MUC3A: variants seen among roughly 807,000 people sequenced by gnomAD.
The protein encoded by MUC3A is mucin 3A, cell surface associated.
In MUC3A, 109 loss-of-function variants were observed where a neutral mutation model predicts 109.0. The ratio of observed to expected loss-of-function variants is 1.00; its 90% CI spans 0.86 to 1.17. The LOEUF is 1.17. Among genes scored for constraint, MUC3A ranks in the 50% most tolerant of loss-of-function variants. MUC3A has a pLI of 0.00. For synonymous variants in MUC3A, 1,398 were observed against 981.4 expected (o/e 1.42, Z -7.93); for missense variants, 3,537 against 2,469.4 (o/e 1.43, Z -9.16).
At position 100,953,482 on chromosome 7, in the gene MUC3A, C is replaced by T; in HGVS notation, c.1703C>T (p.Ser568Phe). 1 of 417,186 alleles carries T rather than the reference C, an allele frequency of 2.4e-6. No homozygotes were observed. Among genetic ancestry groups the T allele is most frequent in the South Asian group, 7.3e-5 (1 of 13,624 alleles). The allele number at this position is 417,186 out of a possible 1,614,324, so 25.8% of individuals were successfully genotyped here. The change falls in exon 2 of 12, where the codon TCC becomes TTC. Residue 568 changes from serine (S) to phenylalanine (F), a missense_variant. Transcript: ENST00000379458. ...AGTACACTCCACACAACAGCTGAAT[C>T]CACCCTGGCACCCACTACCACCACC... Reference protein sequence around the residue: ...STSTLHTTAESTLAPTTTTSF... With the variant: ...STSTLHTTAEFTLAPTTTTSF...
rs1792069825 is a variant in MUC3A at position 100,955,262 on chromosome 7, C to T, written c.3483C>T (p.Ser1161=). ...GCTTCACTTCTTCAACCATCTACTCCACAGTCAGCACATCCACAACTGCCA... is the reference window on the plus strand; with the variant it reads ...GCTTCACTTCTTCAACCATCTACTCTACAGTCAGCACATCCACAACTGCCA... The part of the protein sequence containing the change: ...TPSFTSSTIY[S]TVSTSTTAIS... Residue 1161 remains serine (S), a synonymous_variant, in exon 2 of 12, where the codon TCC becomes TCT. Coordinates refer to ENST00000379458, the MANE Select transcript of MUC3A (RefSeq NM_005960.2). 1 of 764,598 alleles carries T rather than the reference C, an allele frequency of 1.3e-6. No homozygotes were observed. The highest frequency in any genetic ancestry group is 2.4e-6 in the Non-Finnish European group (1 of 417,732). 47.4% of individuals were successfully genotyped at this position (764,598 alleles called of 1,614,324 possible).
rs774902528 is a variant in MUC3A, at chr7:100,960,009, A to G, written c.8230A>G (p.Thr2744Ala). 6.6e-7 allele frequency: 1 copy of G among 1,507,754 alleles called. No homozygotes were observed. Among genetic ancestry groups the G allele is most frequent in the Non-Finnish European group, 8.8e-7 (1 of 1,139,764 alleles). 93.4% of individuals were successfully genotyped at this position (1,507,754 alleles called of 1,614,324 possible). ...SSSATTSTSS[T>A]SSSLTTALTE... ...CTCTGCAACTACCAGCACTTCTTCAACCAGCTCCTCTCTGACCACAGCTCT... is the reference window on the plus strand; with the variant it reads ...CTCTGCAACTACCAGCACTTCTTCAGCCAGCTCCTCTCTGACCACAGCTCT... Residue 2744 changes from threonine (T) to alanine (A), a missense_variant, in exon 2 of 12, where the codon ACC becomes GCC. Thr to Ala is a moderately conservative substitution (Grantham distance 58, BLOSUM62 0). Transcript: ENST00000379458.
rs968687622 is a variant in MUC3A, at chr7:100,965,835, T to A, written c.9580T>A (p.Cys3194Ser). 3.1e-6 allele frequency: 5 copies of A among 1,597,040 alleles called. No homozygotes were observed. In the Admixed American group the frequency reaches 8.3e-5, roughly 27 times the overall value. ...CGCCATCGACTGTCACCAGGGCCAGTGCGTTCTGGAGACGAGCGGTCCCAC... is the reference window on the plus strand; with the variant it reads ...CGCCATCGACTGTCACCAGGGCCAGAGCGTTCTGGAGACGAGCGGTCCCAC... ...DNAIDCHQGQ[C>S]VLETSGPTCR... Residue 3194 changes from cysteine to serine, a missense_variant, in exon 8 of 12, where the codon TGC becomes AGC. Transcript: ENST00000379458.
chr7:100,956,102 T>G lies in MUC3A; in HGVS notation c.4323T>G (p.Pro1441=), dbSNP rs1792089357. The change falls in exon 2 of 12, where the codon CCT becomes CCG. Residue 1441 remains proline (P), a synonymous_variant. Transcript: ENST00000379458. Reference sequence around the variant, plus strand: ...CCAGTCATACCACAAACACCAATCCTGTATCCACGTTGGTGACTACACTCC... The same window carrying G: ...CCAGTCATACCACAAACACCAATCCGGTATCCACGTTGGTGACTACACTCC... ...VTTSHTTNTN[P]VSTLVTTLPI... is the part of the protein sequence containing the mutation. The G allele has an allele frequency of 2.3e-6, 1 of 427,040 alleles. No individual in the cohort carries two copies. Among genetic ancestry groups the G allele is most frequent in the Admixed American group, 4.3e-5 (1 of 23,404 alleles). The allele number at this position is 427,040 out of a possible 1,614,324, so 26.5% of individuals were successfully genotyped here. A position where few individuals can be genotyped will look rare whatever the true frequency, so the allele number is the denominator to read the frequency against.
Position 100,952,208 on chromosome 7 carries a change from CATCT to C in MUC3A, c.430_433del (p.Ile144ValfsTer2), listed in dbSNP as rs772440024. 2 of 1,598,436 alleles carry C rather than the reference CATCT, an allele frequency of 1.3e-6. No homozygotes were observed. The highest frequency in any genetic ancestry group is 1.7e-5 in the Admixed American group (1 of 60,008). On this transcript the variant is annotated frameshift_variant, in exon 2 of 12. Coordinates refer to ENST00000379458, the MANE Select transcript of MUC3A (RefSeq NM_005960.2). LOFTEE classifies it high-confidence loss of function. ...TAATCACCATCTCCCACCCCACCTC[CATCT>C]GTGTGACCACGACGCAGGTGGCCTT...
In MUC3A at chr7:100,960,181, C is replaced by T. The variant is rs747434015; in HGVS notation, c.8402C>T (p.Thr2801Ile). ...ACTGAAGCTACTTCTCCTCCCACCA[C>T]CCCATTAACAGTCTTTCCCTTTACT... ...PSTEATSPPTTPLTVFPFTTE... is the reference protein window; with the variant it reads ...PSTEATSPPTIPLTVFPFTTE... Residue 2801 changes from threonine to isoleucine, a missense_variant, in exon 2 of 12, where the codon ACC (threonine) becomes ATC (isoleucine). Thr to Ile is a moderately conservative substitution (Grantham distance 89, BLOSUM62 -1). Transcript: ENST00000379458. 1 of 1,583,896 alleles carries T rather than the reference C, an allele frequency of 6.3e-7. No individual in the cohort carries two copies. Among genetic ancestry groups the T allele is most frequent in the Non-Finnish European group, 8.5e-7 (1 of 1,170,888 alleles).
Position 100,953,314 on chromosome 7 carries a change from C to A in MUC3A, c.1535C>A (p.Pro512Gln), listed in dbSNP as rs976661493. 2.2e-5 allele frequency: 11 copies of A among 509,628 alleles called. No homozygotes were observed. In the Admixed American group the frequency reaches 2.9e-4, roughly 14 times the overall value. 31.6% of individuals were successfully genotyped at this position (509,628 alleles called of 1,614,324 possible). Reference protein sequence around the residue: ...MTSATTPNVRPTFVSTLSTPT... With the variant: ...MTSATTPNVRQTFVSTLSTPT... ...TCTGCCACTACTCCCAATGTGAGAC[C>A]AACTTTTGTAAGTACACTCAGCACT... is the stretch of plus-strand genomic sequence containing the variant. Residue 512 changes from proline (P) to glutamine (Q), a missense_variant, in exon 2 of 12, where the codon CCA becomes CAA. Transcript: ENST00000379458.
Position 100,959,307 on chromosome 7 carries a change from C to T in MUC3A, c.7528C>T (p.Pro2510Ser), listed in dbSNP as rs372238856. The part of the protein sequence containing the change: ...STSLTTTTDF[P>S]SIPTDISTLP... ...TTCATTGACTACAACCACAGACTTT[C>T]CCTCTATACCCACTGATATCAGTAC... Residue 2510 changes from proline to serine, a missense_variant, in exon 2 of 12, where the codon CCC (proline) becomes TCC (serine). By Grantham distance (74) the Pro-to-Ser change is moderately conservative. Transcript: ENST00000379458. 8.3e-4 allele frequency: 1,302 copies of T among 1,573,646 alleles called. No homozygotes were observed. The African/African-American group carries it at 0.014, about 17-fold the overall frequency.
chr7:100,964,931 C>T, intron 6 of MUC3A, 88 bp downstream of exon 6: 1 of 1,487,896 alleles, frequency 6.7e-7, no homozygotes, highest in South Asian at 1.3e-5. Context: ...GGCTCAGGTG[C>T]CAGCCCTGTG....
chr7:100,959,777 A>G lies in MUC3A; in HGVS notation c.7998A>G (p.Gly2666=), dbSNP rs765874442. Reference sequence around the variant, plus strand: ...TCACTACAGAATCTTTCACTAGGGGAAGTACGTCTACAAATGCAATCTTGA... The same window carrying G: ...TCACTACAGAATCTTTCACTAGGGGGAGTACGTCTACAAATGCAATCTTGA... ...SEFTTESFTR[G]STSTNAILTS... Residue 2666 remains glycine (G), a synonymous_variant, in exon 2 of 12, where the codon GGA becomes GGG. Coordinates refer to ENST00000379458, the MANE Select transcript of MUC3A (RefSeq NM_005960.2). 12 of 1,597,484 alleles carry G rather than the reference A, an allele frequency of 7.5e-6. No homozygotes were observed. Among genetic ancestry groups the G allele is most frequent in the East Asian group, 4.5e-5 (2 of 44,890 alleles).
chr7:100,959,532 A>C lies in MUC3A; in HGVS notation c.7753A>C (p.Thr2585Pro). Residue 2585 changes from threonine (T) to proline (P), a missense_variant, in exon 2 of 12, where the codon ACG becomes CCG. Physicochemically the swap from Thr to Pro is conservative, Grantham distance 38. Coordinates refer to ENST00000379458, the MANE Select transcript of MUC3A (RefSeq NM_005960.2). ...ETPTQTPPVLTSATGTQTSPA... is the reference protein window; with the variant it reads ...ETPTQTPPVLPSATGTQTSPA... ...CCCAACACAGACCCCTCCTGTACTG[A>C]CGTCAGCCACTGGGACCCAAACATC... The C allele has an allele frequency of 6.3e-7, 1 of 1,591,226 alleles. No homozygotes were observed. Among genetic ancestry groups the C allele is most frequent in the Non-Finnish European group, 8.5e-7 (1 of 1,176,566 alleles).
chr7:100,955,931 TC>T lies in MUC3A; in HGVS notation c.4158del (p.Ile1387SerfsTer11). On this transcript the variant is annotated frameshift_variant, in exon 2 of 12. Coordinates refer to ENST00000379458, the MANE Select transcript of MUC3A (RefSeq NM_005960.2). LOFTEE classifies it high-confidence loss of function. ...CTCTCACAACAGCCATGACTTCTAC[TC>T]CCCCCATCACTTCTTCAATCACTCC... ...ESLTTAMTST[P>X]PITSSITPTD... 1.9e-6 allele frequency: 1 copy of T among 538,508 alleles called. No individual in the cohort carries two copies. The highest frequency in any genetic ancestry group is 3.3e-6 in the Non-Finnish European group (1 of 303,432). 33.4% of individuals were successfully genotyped at this position (538,508 alleles called of 1,614,324 possible). A position where few individuals can be genotyped will look rare whatever the true frequency, so the allele number is the denominator to read the frequency against.
rs776128915 is a variant in MUC3A at position 100,966,473 on chromosome 7, C to T, written c.9699C>T (p.Ala3233=). 96 of 1,327,672 alleles carry T rather than the reference C, an allele frequency of 7.2e-5. No individual in the cohort carries two copies. The African/African-American group carries it at 1.1e-3, about 15-fold the overall frequency. The allele number at this position is 1,327,672 out of a possible 1,614,324, so 82.2% of individuals were successfully genotyped here. ...HWRALVGGLT[A]GAALLVLLLL... is the part of the protein sequence containing the mutation. ...GGGCGCTGGTCGGGGGCCTGACGGC[C>T]GGCGCCGCGCTGCTGGTGCTGCTGC... The change falls in exon 9 of 12, where the codon GCC becomes GCT. Residue 3233 remains alanine (A), a synonymous_variant. Coordinates refer to ENST00000379458, the MANE Select transcript of MUC3A (RefSeq NM_005960.2).
In MUC3A at chr7:100,958,345, C is replaced by A; in HGVS notation, c.6566C>A (p.Thr2189Asn). ...ETTSYSTPSF[T>N]SSNTITETTS... ...ACATCCTACAGTACTCCCAGCTTCA[C>A]TTCTTCAAATACCATCACTGAGACC... Residue 2189 changes from threonine to asparagine, a missense_variant, in exon 2 of 12, where the codon ACT becomes AAT. Transcript: ENST00000379458. 1 of 804,596 alleles carries A rather than the reference C, an allele frequency of 1.2e-6. No individual in the cohort carries two copies. The highest frequency in any genetic ancestry group is 2.2e-6 in the Non-Finnish European group (1 of 455,504). 49.8% of individuals were successfully genotyped at this position (804,596 alleles called of 1,614,324 possible).
chr7:100,963,236 C>T lies in MUC3A; in HGVS notation c.9138C>T (p.Tyr3046=), dbSNP rs1348967860. The T allele has an allele frequency of 1.4e-5, 22 of 1,598,034 alleles. No individual in the cohort carries two copies. Among genetic ancestry groups the T allele is most frequent in the Non-Finnish European group, 1.9e-5 (22 of 1,179,668 alleles). ...PDLNDNTSQA[Y]RDFNKTFWNQ... Reference sequence around the variant, plus strand: ...TCAATGACAACACTTCCCAGGCCTACAGGGATTTCAACAAGACCTTCTGGA... The same window carrying T: ...TCAATGACAACACTTCCCAGGCCTATAGGGATTTCAACAAGACCTTCTGGA... The change falls in exon 4 of 12, where the codon TAC becomes TAT. Residue 3046 remains tyrosine, a synonymous_variant. Transcript: ENST00000379458.
chr7:100,966,316 C>T lies in MUC3A; in HGVS notation c.9612-70C>T, dbSNP rs1183941713. ...AGCCCCGCCCCCTCACCCGCCCCCG[C>T]GGGGCCCAGGTGCACGGGTGGACCC... is the stretch of plus-strand genomic sequence containing the variant. On this transcript the variant is annotated intron_variant, in intron 8 of 11. Transcript: ENST00000379458. The T allele has an allele frequency of 3.3e-6, 4 of 1,210,988 alleles. No homozygotes were observed. The African/African-American group carries it at 5.8e-5, about 18-fold the overall frequency. The allele number at this position is 1,210,988 out of a possible 1,614,324, so 75.0% of individuals were successfully genotyped here.
chr7:100,959,410 C>G lies in MUC3A; in HGVS notation c.7631C>G (p.Thr2544Ser), dbSNP rs372332067. 537 of 1,536,164 alleles carry G rather than the reference C, an allele frequency of 3.5e-4. No homozygotes were observed. The African/African-American group carries it at 6.5e-3, about 18-fold the overall frequency. ...GAAACCTCATCCCTTGTGGGCACCA[C>G]CTCTCCCACCATGTCCACTGTGAGA... ...STETSSLVGT[T>S]SPTMSTVRMT... Residue 2544 changes from threonine to serine, a missense_variant, in exon 2 of 12, where the codon ACC becomes AGC. Transcript: ENST00000379458.
chr7:100,966,770 G>A (rs1792585670), intron 10 of MUC3A, 27 bp downstream of exon 10: 1 of 1,598,534 alleles, frequency 6.3e-7, no homozygotes. Flanking sequence ...GGGGAAGCAG[G>A]CAGAGGCTTT....
In MUC3A at chr7:100,959,973, A is replaced by G. The variant is rs754067555; in HGVS notation, c.8194A>G (p.Ser2732Gly). Residue 2732 changes from serine (S) to glycine (G), a missense_variant, in exon 2 of 12, where the codon AGT becomes GGT. Transcript: ENST00000379458. ...VGSASITGFP[S>G]LSSSATTSTS... ...CTCCGCTTCTATCACAGGCTTTCCT[A>G]GTCTCTCTTCCTCTGCAACTACCAG... 21 of 1,507,890 alleles carry G rather than the reference A, an allele frequency of 1.4e-5. No individual in the cohort carries two copies. In the African/African-American group the frequency reaches 2.9e-4, roughly 21 times the overall value. The allele number at this position is 1,507,890 out of a possible 1,614,324, so 93.4% of individuals were successfully genotyped here. A position where few individuals can be genotyped will look rare whatever the true frequency, so the allele number is the denominator to read the frequency against.
Sources: gnomAD v4.1 joint callset for allele counts on GRCh38, gnomAD v4.1.1 for gene constraint, MANE v1.5 for transcripts, NCBI Gene and HGNC (gene_info 2026-07-23, HGNC 2026-07-21) for gene names.